Variants in DRICH1 observed in about 807,000 individuals in gnomAD.
DRICH1 encodes aspartate rich 1.
DRICH1 carries 38 observed loss-of-function variants against 39.5 expected under a neutral mutation model. That is an observed-to-expected ratio of 0.96 (90% confidence interval 0.74 to 1.26). The LOEUF is 1.26. DRICH1 is among the 50% of genes most tolerant of loss of function. The pLI is 0.00. For synonymous variants in DRICH1, 84 were observed against 99.5 expected (o/e 0.84, Z 0.93); for missense variants, 279 against 270.4 (o/e 1.03, Z -0.22).
At chr22:23,586,750 G>A in the DRICH1 span, among the ~76,000 whole-genome samples, 5 of 152,110 alleles carry the variant, frequency 3.3e-5, no homozygotes, top group Non-Finnish European at 5.9e-5. Flanking sequence ...TCACCATGTT[G>A]GCCAGGCTGT....
rs1368860833 is a variant in DRICH1 at position 23,622,598 on chromosome 22, TAAAAG to T, written c.299-427_299-423del. 3.4e-3 allele frequency among the ~76,000 whole-genome samples: 524 copies of T among 152,322 alleles called. 7 individuals carry two copies. The highest frequency in any genetic ancestry group is 0.012 in the African/African-American group (494 of 41,560). Reference sequence around the variant, plus strand: ...TGTTTTAAAAGATCTATTACTTAATTAAAAGTCTATTTTATTGGTGAAATGGACTC... The same window carrying T: ...TGTTTTAAAAGATCTATTACTTAATTTCTATTTTATTGGTGAAATGGACTC... On this transcript the variant is annotated intron_variant, in intron 3 of 11. Transcript: ENST00000317749.
the DRICH1 span, among the ~76,000 whole-genome samples, chr22:23,582,635 G>A: frequency 1.3e-5 from 2 of 151,456 alleles, no homozygotes; most frequent in East Asian, 3.9e-4. Flanking sequence ...GTGCTATCTC[G>A]GCTCACTGTG....
chr22:23,618,228 C>T (rs953211621), intron 6 of DRICH1, among the ~76,000 whole-genome samples: 1 of 151,560 alleles, frequency 6.6e-6, no homozygotes, highest in African/African-American at 2.4e-5. Flanking sequence ...ATTCTCCTAC[C>T]TCAGCTTCCC....
the DRICH1 span, among the ~76,000 whole-genome samples, chr22:23,591,692 TG>T: frequency 6.6e-6 from 1 of 152,136 alleles, no homozygotes; most frequent in Non-Finnish European, 1.5e-5. Context: ...GTGGAGCACA[TG>T]GGCTCAGGGA....
chr22:23,593,005 C>T, the DRICH1 span, among the ~76,000 whole-genome samples: 1 of 151,342 alleles, frequency 6.6e-6, no homozygotes, highest in Non-Finnish European at 1.5e-5. Context: ...GCACTCCAGC[C>T]TGGCAACAGA....
chr22:23,621,993 T>C (rs1927767103), intron 4 of DRICH1, 98 bp downstream of exon 4: 4 of 1,066,240 alleles, frequency 3.8e-6, no homozygotes, highest in Non-Finnish European at 4.3e-6. Flanking sequence ...TTGTTGTTTA[T>C]AGCTCCCTGA....
downstream of DRICH1, among the ~76,000 whole-genome samples, chr22:23,607,517 A>C (rs1602324938): frequency 7.1e-6 from 1 of 140,168 alleles, no homozygotes; most frequent in Non-Finnish European, 1.5e-5. Flanking sequence ...GGCCGTGGCC[A>C]TGTCCTCTTG....
At chr22:23,590,853 A>C in the DRICH1 span, among the ~76,000 whole-genome samples, 1 of 151,460 alleles carries the variant, frequency 6.6e-6, no homozygotes, top group South Asian at 2.1e-4. Flanking sequence ...TCCTGACCTA[A>C]AGGGATCCGC....
At chr22:23,581,563 T>C in the DRICH1 span, 1 of 151,776 alleles carries the variant, frequency 6.6e-6, no homozygotes, top group Admixed American at 6.6e-5. Context: ...GTTTTCTTCA[T>C]CTGTGAAAAA....
chr22:23,614,339 G>C (rs1927225861), intron 8 of DRICH1, 125 bp from the exon 9 acceptor site: 2 of 694,562 alleles, frequency 2.9e-6, no homozygotes, highest in African/African-American at 3.6e-5. Flanking sequence ...TTGATGCTGG[G>C]CTATTCCCCT....
chr22:23,620,678 G>A (rs930620630), intron 4 of DRICH1, 63 bp from the exon 5 acceptor site: 1 of 1,572,286 alleles, frequency 6.4e-7, no homozygotes, highest in Admixed American at 1.7e-5. Context: ...CCCTTACACA[G>A]ATCTGTTATT....
At chr22:23,626,188 G>A (rs1347977808) in intron 1 of DRICH1, 140 bp from the exon 2 acceptor site, 1 of 634,080 alleles carries the variant, frequency 1.6e-6, no homozygotes, top group African/African-American at 1.8e-5. Flanking sequence ...TGTTCAAGTA[G>A]TGAGCATGAG....
intron 9 of DRICH1, 144 bp from the exon 10 acceptor site, chr22:23,613,804 C>G (rs561123497): frequency 1.6e-6 from 1 of 637,728 alleles, no homozygotes; most frequent in Non-Finnish European, 2.7e-6. Flanking sequence ...AAGACTAGCA[C>G]AGAGGATAGC....
chr22:23,601,122 T>G, the DRICH1 span, among the ~76,000 whole-genome samples: 1 of 151,458 alleles, frequency 6.6e-6, no homozygotes, highest in African/African-American at 2.4e-5. Flanking sequence ...AGCAGAAACA[T>G]CTGGTTTGAC....
At chr22:23,627,068 ATT>A (rs141545226) in intron 1 of DRICH1, among the ~76,000 whole-genome samples, 2,482 of 127,298 alleles carry the variant, frequency 0.019, 58 homozygotes, top group African/African-American at 0.072. Context: ...TGAGGTTCTG[ATT>A]TTTTTTTTTT....
At chr22:23,592,881 A>AC in the DRICH1 span, among the ~76,000 whole-genome samples, 3 of 126,882 alleles carry the variant, frequency 2.4e-5, no homozygotes, top group African/African-American at 5.7e-5. Flanking sequence ...CACACACACA[A>AC]AATTAGCTGG....
chr22:23,614,238 C>G (rs1350854183), intron 8 of DRICH1, 24 bp from the exon 9 acceptor site: 2 of 1,574,454 alleles, frequency 1.3e-6, no homozygotes, highest in Non-Finnish European at 1.7e-6. Flanking sequence ...GAGGAAAGAT[C>G]AGTGCACCGG....
chr22:23,623,431 A>T (rs1159626300), intron 3 of DRICH1, among the ~76,000 whole-genome samples: 1 of 152,170 alleles, frequency 6.6e-6, no homozygotes, highest in Non-Finnish European at 1.5e-5. Context: ...AGAAAAAAAT[A>T]GAAATCACAA....
At chr22:23,591,655 G>A in the DRICH1 span, among the ~76,000 whole-genome samples, 22 of 152,320 alleles carry the variant, frequency 1.4e-4, no homozygotes, top group Admixed American at 7.2e-4. Flanking sequence ...TATCTGAGGC[G>A]TAGGGGGTCC....
Sources: gnomAD v4.1 joint callset for allele counts (sites outside exome capture counted in the v4.1 genomes callset) on GRCh38, gnomAD v4.1.1 for gene constraint, MANE v1.5 for transcripts, NCBI Gene and HGNC (gene_info 2026-07-23, HGNC 2026-07-21) for gene names.